The following NTN5 variants were observed in gnomAD, a reference collection of about 807,000 sequenced individuals.
NTN5 encodes the protein netrin 5.
A neutral mutation model predicts 38.7 loss-of-function variants in NTN5; 42 were observed. The observed-to-expected ratio is 1.08, with a 90% confidence interval of 0.85 to 1.40. The LOEUF is 1.40. NTN5 is among the 40% of genes most tolerant of loss of function. The probability of loss-of-function intolerance (pLI) is 0.00; values close to 1 mark genes in which losing one functional copy is unlikely to be tolerated. For synonymous variants in NTN5, 329 were observed against 303.9 expected (o/e 1.08, Z -0.86); for missense variants, 658 against 716.5 (o/e 0.92, Z 0.93).
Position 48,672,965 on chromosome 19 carries a change from T to TCC in NTN5, c.-56_-55dup. ...AAGAAGAGAGCGTCCTGCAGCCAGT[T>TCC]CCCCGCAGGCTCTTCCTCCAAGCTG... On this transcript the variant is annotated 5_prime_UTR_variant, in exon 1 of 7. Coordinates refer to ENST00000270235, the MANE Select transcript of NTN5 (RefSeq NM_145807.4). The TCC allele has an allele frequency of 3.3e-6, 1 of 299,944 alleles. No individual in the cohort carries two copies. The highest frequency in any genetic ancestry group is 1.0e-4 in the East Asian group (1 of 9,728). The allele number at this position is 299,944 out of a possible 1,614,324, so 18.6% of individuals were successfully genotyped here. A position where few individuals can be genotyped will look rare whatever the true frequency, so the allele number is the denominator to read the frequency against.
rs140193211 is a variant in NTN5 at position 48,663,469 on chromosome 19, C to T, written c.1099G>A (p.Asp367Asn). Residue 367 changes from aspartate to asparagine, a missense_variant, in exon 6 of 7, where the codon GAC becomes AAC. By Grantham distance (23) the Asp-to-Asn change is conservative. Transcript: ENST00000270235. ...CTGTCTCCCCAGCACTCACCATGGT[C>T]CTGCTGGCAGTACCTCCGAAGGCTC... Reference protein sequence around the residue: ...HMSLRRYCQQDHVLRAQVLAS... With the variant: ...HMSLRRYCQQNHVLRAQVLAS... 13 of 1,613,730 alleles carry T rather than the reference C, an allele frequency of 8.1e-6. No homozygotes were observed. In the African/African-American group the frequency reaches 1.6e-4, roughly 20 times the overall value.
At chr19:48,669,786 CCACCAT>C (rs1311814847) in intron 2 of NTN5, among the ~76,000 whole-genome samples, 9 of 103,004 alleles carry the variant, frequency 8.7e-5, no homozygotes, top group African/African-American at 1.1e-4. Flanking sequence ...CATCACACCA[CCACCAT>C]CACCATCACC....
intron 2 of NTN5, among the ~76,000 whole-genome samples, chr19:48,669,996 TCACCATCACCACCATCATCAC>T: frequency 1.2e-5 from 1 of 80,696 alleles, no homozygotes; most frequent in Non-Finnish European, 2.6e-5. Flanking sequence ...ACCACCACCA[TCACCATCACCACCATCATCAC>T]CACCACCATC....
intron 5 of NTN5, 45 bp from the exon 6 acceptor site, chr19:48,663,588 C>T (rs746439153): frequency 2.6e-5 from 42 of 1,585,172 alleles, no homozygotes; most frequent in Non-Finnish European, 3.2e-5. Flanking sequence ...GGGGCCTAGA[C>T]CACAGCCTTC....
chr19:48,671,067 G>A, intron 1 of NTN5, 61 bp from the exon 2 acceptor site: 3 of 1,315,938 alleles, frequency 2.3e-6, no homozygotes, highest in East Asian at 2.6e-5. Flanking sequence ...CCCTCCTGGA[G>A]GTGTCCTGTG....
chr19:48,662,028 C>T lies in NTN5; in HGVS notation c.1119G>A (p.Gln373=), dbSNP rs373143658. 6.7e-7 allele frequency: 1 copy of T among 1,481,834 alleles called. No homozygotes were observed. The allele number at this position is 1,481,834 out of a possible 1,614,324, so 91.8% of individuals were successfully genotyped here. The part of the protein sequence containing the change: ...YCQQDHVLRA[Q]VLASEAAGPA... The stretch of plus-strand genomic sequence containing the variant: ...GGCCCGCCGCCTCGGACGCTAGCAC[C>T]TGCGCGCGGAGAACTGTGGGGAGGG... Residue 373 remains glutamine (Q), a synonymous_variant, in exon 7 of 7, where the codon CAG becomes CAA. Transcript: ENST00000270235.
chr19:48,663,897 A>G (rs2031618127), intron 4 of NTN5, 83 bp from the exon 5 acceptor site: 2 of 1,379,534 alleles, frequency 1.4e-6, no homozygotes, highest in African/African-American at 2.8e-5. Context: ...CAGGCACCCA[A>G]ACTCTTAAGT....
chr19:48,661,877 G>A lies in NTN5; in HGVS notation c.1270C>T (p.Gln424Ter), dbSNP rs1364997410. The A allele has an allele frequency of 7.4e-7, 1 of 1,344,884 alleles. No homozygotes were observed. The highest frequency in any genetic ancestry group is 4.0e-5 in the Admixed American group (1 of 25,258). 83.3% of individuals were successfully genotyped at this position (1,344,884 alleles called of 1,614,324 possible). A position where few individuals can be genotyped will look rare whatever the true frequency, so the allele number is the denominator to read the frequency against. The change falls in exon 7 of 7, where the codon CAG becomes TAG. Residue 424 changes from glutamine to a stop codon, truncating the protein, a stop_gained. Transcript: ENST00000270235. LOFTEE classifies it low-confidence loss of function (END_TRUNC). ...ADLTCGCLRL[Q>*]PGTDYLLLGS... ...AGCAGCAGGTAGTCGGTGCCTGGCT[G>A]CAGGCGCAGGCAGCCGCAGGTCAGG... is the stretch of plus-strand genomic sequence containing the variant.
chr19:48,670,969 G>A lies in NTN5; in HGVS notation c.18C>T (p.Ala6=). 1 of 1,542,704 alleles carries A rather than the reference G, an allele frequency of 6.5e-7. No individual in the cohort carries two copies. Among genetic ancestry groups the A allele is most frequent in the Non-Finnish European group, 8.7e-7 (1 of 1,144,556 alleles). The part of the protein sequence containing the change: MPVTF[A]LLLLLGQATA... The stretch of plus-strand genomic sequence containing the variant: ...TGGCCTGGCCCAGGAGGAGCAGGAG[G>A]GCAAAGGTCACGGGCATGGTCACAG... The change falls in exon 2 of 7, where the codon GCC becomes GCT. Residue 6 remains alanine (A), a synonymous_variant. Coordinates refer to ENST00000270235, the MANE Select transcript of NTN5 (RefSeq NM_145807.4).
In NTN5 at chr19:48,663,773, C is replaced by T. The variant is rs1210789356; in HGVS notation, c.1012G>A (p.Ala338Thr). 6.2e-7 allele frequency: 1 copy of T among 1,614,020 alleles called. No individual in the cohort carries two copies. Among genetic ancestry groups the T allele is most frequent in the African/African-American group, 1.3e-5 (1 of 74,914 alleles). The change falls in exon 5 of 7, where the codon GCT (alanine) becomes ACT (threonine). Residue 338 changes from alanine to threonine, a missense_variant. Coordinates refer to ENST00000270235, the MANE Select transcript of NTN5 (RefSeq NM_145807.4). ...CAGACTGTCTTACCAGAGCTATAAGCACCAGGAGTAGTGGCAAGGGTGGTT... is the reference window on the plus strand; with the variant it reads ...CAGACTGTCTTACCAGAGCTATAAGTACCAGGAGTAGTGGCAAGGGTGGTT... ...ATTTLATTPG[A>T]YSSDPQCQNY...
intron 6 of NTN5, chr19:48,662,413 G>A (rs2031574633): frequency 5.4e-6 from 1 of 185,302 alleles, no homozygotes; most frequent in African/African-American, 2.4e-5. Flanking sequence ...GAAGAAGGAA[G>A]AGACTGGTCC....
In NTN5 at chr19:48,665,396, A is replaced by G. The variant is rs540466124; in HGVS notation, c.632-629T>C. Reference sequence around the variant, plus strand: ...GGTTGCAGTGAGCCAAGATTGCACCACTGCACTCCAGCCTGGGCAAAGGAG... The same window carrying G: ...GGTTGCAGTGAGCCAAGATTGCACCGCTGCACTCCAGCCTGGGCAAAGGAG... On this transcript the variant is annotated intron_variant, in intron 2 of 6. Coordinates refer to ENST00000270235, the MANE Select transcript of NTN5 (RefSeq NM_145807.4). Among the ~76,000 whole-genome samples the G allele has an allele frequency of 1.3e-4, 19 of 148,952 alleles. No individual in the cohort carries two copies. In the East Asian group the frequency reaches 3.4e-3, roughly 27 times the overall value.
rs1251115385 is a variant in NTN5, at chr19:48,670,975, G to A, written c.12C>T (p.Thr4=). 2 of 1,537,140 alleles carry A rather than the reference G, an allele frequency of 1.3e-6. No individual in the cohort carries two copies. The highest frequency in any genetic ancestry group is 2.3e-5 in the East Asian group (1 of 44,116). The change falls in exon 2 of 7, where the codon ACC becomes ACT. Residue 4 remains threonine (T), a synonymous_variant. Coordinates refer to ENST00000270235, the MANE Select transcript of NTN5 (RefSeq NM_145807.4). ...GGCCCAGGAGGAGCAGGAGGGCAAAGGTCACGGGCATGGTCACAGCAGAGC... is the reference window on the plus strand; with the variant it reads ...GGCCCAGGAGGAGCAGGAGGGCAAAAGTCACGGGCATGGTCACAGCAGAGC... The part of the protein sequence containing the change: MPV[T]FALLLLLGQA...
In NTN5 at chr19:48,663,879, C is replaced by CG. The variant is rs1480315334; in HGVS notation, c.971-66dup. ...CCCCAGGATCCCCTCGCCCCTGCCC[C>CG]GGGAATCCAGGCACCCAAACTCTTA... On this transcript the variant is annotated intron_variant, in intron 4 of 6. Coordinates refer to ENST00000270235, the MANE Select transcript of NTN5 (RefSeq NM_145807.4). 6 of 1,514,342 alleles carry CG rather than the reference C, an allele frequency of 4.0e-6. No individual in the cohort carries two copies. The African/African-American group carries it at 5.5e-5, about 14-fold the overall frequency. The allele number at this position is 1,514,342 out of a possible 1,614,324, so 93.8% of individuals were successfully genotyped here.
intron 5 of NTN5, 28 bp from the exon 6 acceptor site, chr19:48,663,571 G>T (rs774142100): frequency 1.2e-6 from 2 of 1,605,068 alleles, no homozygotes; most frequent in Non-Finnish European, 1.7e-6. Flanking sequence ...GTCTGCAGTG[G>T]GCTCCTGGGG....
rs760927020 is a variant in NTN5, at chr19:48,661,876, T to A, written c.1271A>T (p.Gln424Leu). Residue 424 changes from glutamine to leucine, a missense_variant, in exon 7 of 7, where the codon CAG becomes CTG. Transcript: ENST00000270235. Reference protein sequence around the residue: ...ADLTCGCLRLQPGTDYLLLGS... With the variant: ...ADLTCGCLRLLPGTDYLLLGS... ...CAGCAGCAGGTAGTCGGTGCCTGGC[T>A]GCAGGCGCAGGCAGCCGCAGGTCAG... 3.7e-6 allele frequency: 5 copies of A among 1,345,774 alleles called. No homozygotes were observed. Among genetic ancestry groups the A allele is most frequent in the Non-Finnish European group, 4.8e-6 (5 of 1,051,410 alleles). 83.4% of individuals were successfully genotyped at this position (1,345,774 alleles called of 1,614,324 possible).
intron 2 of NTN5, among the ~76,000 whole-genome samples, chr19:48,668,923 G>A (rs1251627523): frequency 6.7e-6 from 1 of 150,082 alleles, no homozygotes; most frequent in East Asian, 1.9e-4. Flanking sequence ...CTCGGAAACT[G>A]TTATTACATC....
chr19:48,666,052 G>C (rs1394141540), intron 2 of NTN5, among the ~76,000 whole-genome samples: 1 of 152,224 alleles, frequency 6.6e-6, no homozygotes, highest in Admixed American at 6.5e-5. Context: ...GCATTCGTAC[G>C]TGCAGGACAC....
chr19:48,663,926 CAA>C, intron 4 of NTN5, 112 bp from the exon 5 acceptor site: 1 of 1,206,340 alleles, frequency 8.3e-7, no homozygotes, highest in Non-Finnish European at 1.2e-6. Flanking sequence ...CTTTAGGACT[CAA>C]GAGTGCAAGC....
Sources: allele counts gnomAD v4.1 joint callset (sites outside exome capture counted in the v4.1 genomes callset), GRCh38; gene constraint gnomAD v4.1.1; transcripts MANE v1.5; gene names NCBI Gene and HGNC (gene_info 2026-07-23, HGNC 2026-07-21).